TSHZ2: variants seen among roughly 807,000 people sequenced by gnomAD.
TSHZ2 encodes teashirt homolog 2.
TSHZ2 carries 21 observed loss-of-function variants against 74.4 expected under a neutral mutation model. The observed-to-expected ratio is 0.28, with a 90% CI of 0.20 to 0.41. TSHZ2 has a LOEUF of 0.41. TSHZ2 is among the 10% of genes least tolerant of loss of function. The probability of loss-of-function intolerance (pLI) is 1.00; values close to 1 mark genes in which losing one functional copy is unlikely to be tolerated. For missense variants in TSHZ2, 1,244 were observed against 1,293.5 expected (o/e 0.96, Z 0.59); for synonymous variants, 540 against 515.3 (o/e 1.05, Z -0.65).
chr20:53,459,608 A>T (rs1985264770), intron 2 of TSHZ2, among the ~76,000 whole-genome samples: 2 of 142,520 alleles, frequency 1.4e-5, no homozygotes, highest in Admixed American at 7.2e-5. Context: ...TTATGATGTT[A>T]GCTGGTGATT....
chr20:53,349,330 T>C (rs1204538057), intron 2 of TSHZ2, among the ~76,000 whole-genome samples: 2 of 152,202 alleles, frequency 1.3e-5, no homozygotes, highest in African/African-American at 2.4e-5. Context: ...AAGCTCTTCT[T>C]ATAAGATATG....
At chr20:53,369,995 G>A (rs1312991867) in intron 2 of TSHZ2, among the ~76,000 whole-genome samples, 3 of 151,986 alleles carry the variant, frequency 2.0e-5, no homozygotes, top group African/African-American at 7.3e-5. Flanking sequence ...TTTTTAATCT[G>A]ATCTGTGAAA....
intron 1 of TSHZ2, among the ~76,000 whole-genome samples, chr20:53,160,999 C>A (rs1987919476): frequency 6.7e-6 from 1 of 149,498 alleles, no homozygotes; most frequent in African/African-American, 2.5e-5. Flanking sequence ...ATAAAGTTAG[C>A]AAATACAGAG....
chr20:53,294,491 G>A (rs1991339667), intron 2 of TSHZ2, among the ~76,000 whole-genome samples: 1 of 152,058 alleles, frequency 6.6e-6, no homozygotes, highest in Admixed American at 6.6e-5. Flanking sequence ...AAGAGAGAGA[G>A]AGAGACAGAG....
intron 2 of TSHZ2, among the ~76,000 whole-genome samples, chr20:53,391,115 C>CTTTTGTTTTGTTTTGTTTTGTTTTG (rs151236380): frequency 2.6e-4 from 38 of 147,542 alleles, no homozygotes; most frequent in African/African-American, 9.2e-4. Context: ...ATATACTACA[C>CTTTTGTTTTGTTTTGTTTTGTTTTG]TTTTGTTTTG....
At chr20:53,321,342 G>A (rs149128813) in intron 2 of TSHZ2, among the ~76,000 whole-genome samples, 40 of 152,176 alleles carry the variant, frequency 2.6e-4, no homozygotes, top group African/African-American at 9.6e-4. Flanking sequence ...CCTGGACTAA[G>A]TGGGTCCCTC....
intron 1 of TSHZ2, among the ~76,000 whole-genome samples, chr20:53,225,221 A>G (rs556642357): frequency 3.1e-4 from 47 of 152,344 alleles, no homozygotes; most frequent in South Asian, 2.9e-3. Context: ...GAAAGAGACT[A>G]TTGAAGGCAG....
chr20:53,189,121 C>T (rs185599825), intron 1 of TSHZ2, among the ~76,000 whole-genome samples: 16 of 152,242 alleles, frequency 1.1e-4, no homozygotes, highest in South Asian at 2.1e-4. Context: ...ACAAATGTAA[C>T]GAGAAAAACT....
At chr20:53,226,521 A>G (rs892222416) in intron 1 of TSHZ2, among the ~76,000 whole-genome samples, 2 of 151,934 alleles carry the variant, frequency 1.3e-5, no homozygotes, top group African/African-American at 2.4e-5. Context: ...TTATTCTCCA[A>G]AGGACTTAGC....
chr20:53,353,492 G>A (rs1214339105), intron 2 of TSHZ2, among the ~76,000 whole-genome samples: 3 of 152,154 alleles, frequency 2.0e-5, no homozygotes, highest in African/African-American at 7.2e-5. Flanking sequence ...TCATTCCCGT[G>A]CCATTAAGCA....
intron 2 of TSHZ2, among the ~76,000 whole-genome samples, chr20:53,426,132 T>G (rs1401192278): frequency 6.6e-6 from 1 of 152,230 alleles, no homozygotes; most frequent in African/African-American, 2.4e-5. Flanking sequence ...TTTTTTTCTT[T>G]TCCTGCTATG....
intron 2 of TSHZ2, among the ~76,000 whole-genome samples, chr20:53,324,969 A>G (rs372709057): frequency 3.0e-4 from 46 of 152,332 alleles, no homozygotes; most frequent in African/African-American, 9.1e-4. Context: ...CAGTCAATGC[A>G]GGTCTAGCCA....
Position 52,977,742 on chromosome 20 carries a change from T to C in TSHZ2, c.40+4409T>C, listed in dbSNP as rs190161437. ...TTTAGGCATTTATTGATTTCATTTT[T>C]AATCTGCCATATCAGGACACAATAC... On this transcript the variant is annotated intron_variant, in intron 1 of 2. Coordinates refer to ENST00000371497, the MANE Select transcript of TSHZ2 (RefSeq NM_173485.6). Among the ~76,000 whole-genome samples, 473 of 152,344 alleles carry C rather than the reference T, an allele frequency of 3.1e-3. 1 individual carries two copies. The highest frequency in any genetic ancestry group is 3.8e-3 in the Non-Finnish European group (257 of 68,024).
chr20:53,281,091 T>G (rs1991052503), intron 2 of TSHZ2, among the ~76,000 whole-genome samples: 1 of 152,230 alleles, frequency 6.6e-6, no homozygotes, highest in African/African-American at 2.4e-5. Flanking sequence ...TCATGCAGTT[T>G]ATGTGCTGTT....
intron 2 of TSHZ2, among the ~76,000 whole-genome samples, chr20:53,287,738 C>G (rs773808430): frequency 1.3e-5 from 2 of 152,108 alleles, no homozygotes; most frequent in Non-Finnish European, 2.9e-5. Context: ...TGGTTAATAT[C>G]ACCTTGAAAA....
At chr20:53,138,020 T>C (rs997005291) in intron 1 of TSHZ2, among the ~76,000 whole-genome samples, 2 of 152,170 alleles carry the variant, frequency 1.3e-5, no homozygotes, top group Non-Finnish European at 2.9e-5. Flanking sequence ...GGTCCACAAA[T>C]GACTAATGTT....
chr20:53,405,940 T>C (rs938778587), intron 2 of TSHZ2, among the ~76,000 whole-genome samples: 5 of 152,134 alleles, frequency 3.3e-5, no homozygotes, highest in Admixed American at 6.5e-5. Flanking sequence ...GAGGTTGCAA[T>C]GAGCCTATAT....
intron 2 of TSHZ2, among the ~76,000 whole-genome samples, chr20:53,401,956 G>C (rs1436819178): frequency 6.6e-6 from 1 of 151,552 alleles, no homozygotes; most frequent in East Asian, 1.9e-4. Flanking sequence ...CTAATTTTTT[G>C]TATTTTTTAG....
Position 53,256,296 on chromosome 20 carries a change from A to G in TSHZ2, c.2838A>G (p.Glu946=), listed in dbSNP as rs1990479465. 7 of 1,614,100 alleles carry G rather than the reference A, an allele frequency of 4.3e-6. No individual in the cohort carries two copies. Among genetic ancestry groups the G allele is most frequent in the Non-Finnish European group, 5.1e-6 (6 of 1,179,974 alleles). The part of the protein sequence containing the change: ...RTPSTYISHL[E]SHLGFQMKDM... ...CTTCTACCTACATCAGTCACTTAGA[A>G]TCTCACCTGGGTTTCCAAATGAAGG... The change falls in exon 2 of 3, where the codon GAA becomes GAG. Residue 946 remains glutamate (E), a synonymous_variant. Transcript: ENST00000371497. The surrounding 1 kb of genome is among the most constrained non-coding windows in gnomAD (Gnocchi z 4.3).
Sources: gnomAD v4.1 joint callset for allele counts (sites outside exome capture counted in the v4.1 genomes callset) on GRCh38, gnomAD v4.1.1 for gene constraint, Gnocchi (gnomAD v3.1) non-coding constraint, MANE v1.5 for transcripts, NCBI Gene and HGNC (gene_info 2026-07-23, HGNC 2026-07-21) for gene names.